The following LCOR variants were observed in gnomAD, a reference collection of about 807,000 sequenced individuals.
LCOR encodes the protein ligand-dependent corepressor.
LCOR carries 14 observed loss-of-function variants against 64.4 expected under a neutral mutation model. The ratio of observed to expected loss-of-function variants is 0.22; its 90% CI spans 0.14 to 0.34. The LOEUF is 0.34. LCOR is among the 10% of genes least tolerant of loss of function. The probability of loss-of-function intolerance (pLI) is 1.00; values close to 1 mark genes in which losing one functional copy is unlikely to be tolerated. For synonymous variants in LCOR, 643 were observed against 642.5 expected (o/e 1.00, Z -0.01); for missense variants, 1,686 against 1,765.3 (o/e 0.96, Z 0.80).
rs535341237 is a variant in LCOR, at chr10:96,835,447, A to G, written c.-330+1968A>G. The stretch of plus-strand genomic sequence containing the variant: ...TATTCATAGTCTCTCAACTAAAATC[A>G]GTGGGGCCTCATATTTTCTCTTTTA... On this transcript the variant is annotated intron_variant, in intron 2 of 7. Coordinates refer to ENST00000421806, the MANE Select transcript of LCOR (RefSeq NM_001346516.2). 3.6e-4 allele frequency among the ~76,000 whole-genome samples: 55 copies of G among 152,238 alleles called. 1 individual carries two copies. Among genetic ancestry groups the G allele is most frequent in the Non-Finnish European group, 6.8e-4 (46 of 68,042 alleles).
Position 96,983,179 on chromosome 10 carries a change from A to G in LCOR, c.2719A>G (p.Ile907Val), listed in dbSNP as rs1848109994. 1 of 1,614,172 alleles carries G rather than the reference A, an allele frequency of 6.2e-7. No homozygotes were observed. The highest frequency in any genetic ancestry group is 8.5e-7 in the Non-Finnish European group (1 of 1,180,040). ...AEQEGEGGGIITRQTLKNMLD... is the reference protein window; with the variant it reads ...AEQEGEGGGIVTRQTLKNMLD... ...GCAGGAGGGCGAAGGCGGGGGGATC[A>G]TCACCAGGCAGACTTTGAAAAACAT... is the stretch of plus-strand genomic sequence containing the variant. Residue 907 changes from isoleucine to valine, a missense_variant, in exon 8 of 8, where the codon ATC becomes GTC. Physicochemically the swap from Ile to Val is conservative, Grantham distance 29 (BLOSUM62 3). This residue lies in a region of LCOR where 1,293 missense variants were observed against 1,410.4 expected (regional missense o/e 0.92). Transcript: ENST00000421806. This position sits in a 1 kb window ranked among gnomAD's most constrained non-coding sequence, Gnocchi z 4.5.
rs181859454 is a variant in LCOR at position 96,881,643 on chromosome 10, G to A, written c.-329-25622G>A. Reference sequence around the variant, plus strand: ...GGCTATTTTTTGTATTTTTAGTGGAGACGGGTTTTCACCATGTTGGCCAGG... The same window carrying A: ...GGCTATTTTTTGTATTTTTAGTGGAAACGGGTTTTCACCATGTTGGCCAGG... On this transcript the variant is annotated intron_variant, in intron 2 of 7. Coordinates refer to ENST00000421806, the MANE Select transcript of LCOR (RefSeq NM_001346516.2). Among the ~76,000 whole-genome samples, 44 of 152,212 alleles carry A rather than the reference G, an allele frequency of 2.9e-4. 1 individual carries two copies. The East Asian group carries it at 7.7e-3, about 27-fold the overall frequency.
chr10:96,870,300 C>T (rs765997030), intron 2 of LCOR, among the ~76,000 whole-genome samples: 5 of 152,124 alleles, frequency 3.3e-5, no homozygotes, highest in African/African-American at 9.7e-5. Context: ...CGTGAGCCAC[C>T]GCACCCGGCC....
intron 5 of LCOR, among the ~76,000 whole-genome samples, chr10:96,945,242 A>G (rs1425559899): frequency 6.6e-6 from 1 of 152,082 alleles, no homozygotes; most frequent in African/African-American, 2.4e-5. Flanking sequence ...TCCCTTTGAC[A>G]TTGGTTAAAA....
Position 96,949,135 on chromosome 10 carries a change from T to A in LCOR, c.78T>A (p.Asn26Lys). Residue 26 changes from asparagine (N) to lysine (K), a missense_variant, in exon 6 of 8, where the codon AAT (asparagine) becomes AAA (lysine). Asn to Lys is a moderately conservative substitution (Grantham distance 94, BLOSUM62 0). Transcript: ENST00000421806. ...NSSTQDPSQPNSTKNQSLPKA... is the reference protein window; with the variant it reads ...NSSTQDPSQPKSTKNQSLPKA... ...CTACTCAGGACCCCAGCCAGCCCAA[T>A]AGCACAAAGAACCAAAGCCTGCCGA... 1.9e-6 allele frequency: 3 copies of A among 1,613,890 alleles called. No individual in the cohort carries two copies. Among genetic ancestry groups the A allele is most frequent in the Non-Finnish European group, 2.5e-6 (3 of 1,179,938 alleles).
intron 2 of LCOR, among the ~76,000 whole-genome samples, chr10:96,839,443 C>G (rs752414023): frequency 9.2e-5 from 14 of 152,140 alleles, no homozygotes; most frequent in Non-Finnish European, 1.6e-4. Flanking sequence ...GTGTCTCACA[C>G]CTGTAATCCC....
At chr10:96,911,307 A>G (rs1217404635) in intron 4 of LCOR, among the ~76,000 whole-genome samples, 1 of 152,042 alleles carries the variant, frequency 6.6e-6, no homozygotes, top group Non-Finnish European at 1.5e-5. Flanking sequence ...CGTGTTGGCC[A>G]GGCTGGTCTT....
intron 2 of LCOR, among the ~76,000 whole-genome samples, chr10:96,836,339 C>T (rs1282129419): frequency 1.9e-4 from 29 of 152,040 alleles, no homozygotes; most frequent in Non-Finnish European, 5.9e-5. Flanking sequence ...CCAGGCTGGT[C>T]TCAAACTCCT....
At position 96,994,574 on chromosome 10, in the gene LCOR, G is replaced by A. The variant is rs1848227670; in HGVS notation, c.*9440G>A. On this transcript the variant is annotated 3_prime_UTR_variant, in exon 8 of 8. Coordinates refer to ENST00000421806, the MANE Select transcript of LCOR (RefSeq NM_001346516.2). ...AGTGTATTTTTAGACTGAAGTGGGTGCATTAGGATAAAACTTTCCCTTGCT... is the reference window on the plus strand; with the variant it reads ...AGTGTATTTTTAGACTGAAGTGGGTACATTAGGATAAAACTTTCCCTTGCT... 1 of 152,166 alleles carries A rather than the reference G, an allele frequency of 6.6e-6. No homozygotes were observed. The highest frequency in any genetic ancestry group is 6.5e-5 in the Admixed American group (1 of 15,284). The allele number at this position is 152,166 out of a possible 1,614,324, so 9.4% of individuals were successfully genotyped here. A position where few individuals can be genotyped will look rare whatever the true frequency, so the allele number is the denominator to read the frequency against.
intron 2 of LCOR, among the ~76,000 whole-genome samples, chr10:96,847,329 A>G (rs1180346158): frequency 6.1e-5 from 9 of 148,008 alleles, no homozygotes; most frequent in Non-Finnish European, 8.9e-5. Flanking sequence ...ATAGAAATTT[A>G]TGTGTGACTT....
intron 2 of LCOR, among the ~76,000 whole-genome samples, chr10:96,902,176 A>G (rs768124784): frequency 6.6e-6 from 1 of 151,666 alleles, no homozygotes; most frequent in Non-Finnish European, 1.5e-5. Flanking sequence ...TAAAAATACT[A>G]TTTATAATTT....
chr10:96,962,517 GGTTA>G (rs1847897610), intron 7 of LCOR: 3 of 152,080 alleles, frequency 2.0e-5, no homozygotes, highest in African/African-American at 7.2e-5. Flanking sequence ...TGATTAACTA[GGTTA>G]GTATTACCAG....
chr10:96,985,401 A>G lies in LCOR; in HGVS notation c.*267A>G. The G allele has an allele frequency of 2.9e-6, 1 of 342,436 alleles. No individual in the cohort carries two copies. The allele number at this position is 342,436 out of a possible 1,614,324, so 21.2% of individuals were successfully genotyped here. ...CCAAGCAGTTTTCGTTTTTAAAAGT[A>G]CAGTGCCTTATTTATCCTTTTTGTT... On this transcript the variant is annotated 3_prime_UTR_variant, in exon 8 of 8. Transcript: ENST00000421806.
chr10:96,940,303 ATTTTT>A (rs552752409), intron 4 of LCOR, among the ~76,000 whole-genome samples: 1,371 of 65,392 alleles, frequency 0.021, 12 homozygotes, highest in African/African-American at 0.078. Context: ...GGTGGTCATG[ATTTTT>A]TTTTTTTTTT....
chr10:96,873,421 G>C (rs2134408627), intron 2 of LCOR, among the ~76,000 whole-genome samples: 1 of 152,162 alleles, frequency 6.6e-6, no homozygotes, highest in South Asian at 2.1e-4. Flanking sequence ...TGCTGAGTTA[G>C]TAAATTATTT....
rs1471546192 is a variant in LCOR at position 96,848,439 on chromosome 10, C to T, written c.-330+14960C>T. Among the ~76,000 whole-genome samples, 3 of 152,202 alleles carry T rather than the reference C, an allele frequency of 2.0e-5. No homozygotes were observed. The East Asian group carries it at 5.8e-4, about 29-fold the overall frequency. On this transcript the variant is annotated intron_variant, in intron 2 of 7. Coordinates refer to ENST00000421806, the MANE Select transcript of LCOR (RefSeq NM_001346516.2). ...TTGGGAGGCCGAGGCAGGTGGATCA[C>T]TTGAGGTCAGGAGTTGGAGACCAGC...
chr10:96,943,431 A>G (rs2134513858), intron 4 of LCOR, among the ~76,000 whole-genome samples: 1 of 152,356 alleles, frequency 6.6e-6, no homozygotes, highest in East Asian at 1.9e-4. Context: ...CTGTTCAAAC[A>G]TAGATGTATT....
Position 96,967,646 on chromosome 10 carries a change from G to T in LCOR, c.333-13147G>T, listed in dbSNP as rs528977232. Among the ~76,000 whole-genome samples, 5 of 152,212 alleles carry T rather than the reference G, an allele frequency of 3.3e-5. No individual in the cohort carries two copies. In the South Asian group the frequency reaches 1.0e-3, roughly 32 times the overall value. On this transcript the variant is annotated intron_variant, in intron 7 of 7. Transcript: ENST00000421806. Reference sequence around the variant, plus strand: ...TGTACGAACATTGGCAAATACAGTAGAAACTCTTTATTGAATAAGGTCTCG... The same window carrying T: ...TGTACGAACATTGGCAAATACAGTATAAACTCTTTATTGAATAAGGTCTCG...
At position 96,980,811 on chromosome 10, in the gene LCOR, A is replaced by G. The variant is rs569366280; in HGVS notation, c.351A>G (p.Ala117=). ...TQGNGENSTE[A]KAVDSNNQSK... ...TGTCTAGTGAGAACTCAACAGAGGC[A>G]AAAGCAGTAGATTCTAACAATCAGT... Residue 117 remains alanine, a synonymous_variant, in exon 8 of 8, where the codon GCA becomes GCG. Coordinates refer to ENST00000421806, the MANE Select transcript of LCOR (RefSeq NM_001346516.2). 1 of 702,036 alleles carries G rather than the reference A, an allele frequency of 1.4e-6. No individual in the cohort carries two copies. The highest frequency in any genetic ancestry group is 1.7e-5 in the African/African-American group (1 of 57,372). 43.5% of individuals were successfully genotyped at this position (702,036 alleles called of 1,614,324 possible).
Sources: gnomAD v4.1 joint callset for allele counts (sites outside exome capture counted in the v4.1 genomes callset) on GRCh38, gnomAD v4.1.1 for gene constraint, gnomAD v4.1.1 regional missense constraint, Gnocchi (gnomAD v3.1) non-coding constraint, MANE v1.5 for transcripts, NCBI Gene and HGNC (gene_info 2026-07-23, HGNC 2026-07-21) for gene names.